The following KIRREL3 variants were observed in gnomAD, a reference collection of about 807,000 sequenced individuals.
KIRREL3 encodes kin of IRRE-like protein 3.
In KIRREL3, 36 loss-of-function variants were observed where a neutral mutation model predicts 89.7. The ratio of observed to expected loss-of-function variants is 0.40; its 90% CI spans 0.31 to 0.53. The LOEUF is 0.53. Ranked by LOEUF, KIRREL3 falls within the 20% of genes least tolerant of loss-of-function variation. The pLI, the probability that KIRREL3 is intolerant of heterozygous loss-of-function variation, is 0.49. For synonymous variants in KIRREL3, 445 were observed against 441.4 expected (o/e 1.01, Z -0.10); for missense variants, 864 against 1,056.6 (o/e 0.82, Z 2.53).
Position 126,747,617 on chromosome 11 carries a change from AG to A in KIRREL3, c.56-184706del, listed in dbSNP as rs1164173632. Among the ~76,000 whole-genome samples the A allele has an allele frequency of 6.6e-6, 1 of 152,168 alleles. No homozygotes were observed. The highest frequency in any genetic ancestry group is 2.4e-5 in the African/African-American group (1 of 41,442). ...CTGTATATCCCTCTTTCGTGGTATT[AG>A]GAACCTGGTATAACTGAGAGCGCAT... On this transcript the variant is annotated intron_variant, in intron 1 of 16. Coordinates refer to ENST00000525144, the MANE Select transcript of KIRREL3 (RefSeq NM_032531.4). This position sits in a 1 kb window ranked among gnomAD's most constrained non-coding sequence, Gnocchi z 4.7.
rs753819202 is a variant in KIRREL3 at position 126,977,629 on chromosome 11, C to A, written c.55+22826G>T. Among the ~76,000 whole-genome samples, 38 of 152,216 alleles carry A rather than the reference C, an allele frequency of 2.5e-4. No homozygotes were observed. The highest frequency in any genetic ancestry group is 5.0e-4 in the Non-Finnish European group (34 of 68,042). On this transcript the variant is annotated intron_variant, in intron 1 of 16. Transcript: ENST00000525144. This position sits in a 1 kb window ranked among gnomAD's most constrained non-coding sequence, Gnocchi z 4.7. ...AGGTTTATACCTTGTTGGCACAATG[C>A]CTGGCACATAGTGGGTGTTCGATAA... is the stretch of plus-strand genomic sequence containing the variant.
intron 1 of KIRREL3, among the ~76,000 whole-genome samples, chr11:126,596,157 CT>C (rs1480322200): frequency 1.3e-5 from 2 of 152,202 alleles, no homozygotes; most frequent in African/African-American, 2.4e-5. Context: ...GTTCACCAAT[CT>C]CGAGAGTCAC....
intron 1 of KIRREL3, among the ~76,000 whole-genome samples, chr11:126,826,637 G>T (rs1273507800): frequency 6.6e-6 from 1 of 152,198 alleles, no homozygotes; most frequent in Non-Finnish European, 1.5e-5. Flanking sequence ...CGTGTTGGAG[G>T]TGTTGGGAGG....
In KIRREL3 at chr11:126,555,236, T is replaced by G. The variant is rs1939613238; in HGVS notation, c.133+7599A>C. Among the ~76,000 whole-genome samples the G allele has an allele frequency of 6.6e-6, 1 of 152,092 alleles. No homozygotes were observed. The highest frequency in any genetic ancestry group is 2.4e-5 in the African/African-American group (1 of 41,408). Reference sequence around the variant, plus strand: ...CATTCCCTCTGGTTCCTGCACTTGCTTGCTCACACACTCCCTCTCTCAAGC... The same window carrying G: ...CATTCCCTCTGGTTCCTGCACTTGCGTGCTCACACACTCCCTCTCTCAAGC... On this transcript the variant is annotated intron_variant, in intron 2 of 16. Coordinates refer to ENST00000525144, the MANE Select transcript of KIRREL3 (RefSeq NM_032531.4). This position sits in a 1 kb window ranked among gnomAD's most constrained non-coding sequence, Gnocchi z 4.2.
At chr11:126,481,814 G>A (rs185593149) in intron 4 of KIRREL3, among the ~76,000 whole-genome samples, 154 of 152,282 alleles carry the variant, frequency 1.0e-3, no homozygotes, top group African/African-American at 3.5e-3. Flanking sequence ...CACCTATCCA[G>A]TCAACCAGTA....
chr11:126,988,261 A>G (rs964572682), intron 1 of KIRREL3, among the ~76,000 whole-genome samples: 4 of 152,198 alleles, frequency 2.6e-5, no homozygotes, highest in African/African-American at 7.2e-5. Flanking sequence ...ATGTTAAGCT[A>G]TACTGGAAGT....
chr11:126,962,027 C>T (rs1414516088), intron 1 of KIRREL3, among the ~76,000 whole-genome samples: 1 of 152,210 alleles, frequency 6.6e-6, no homozygotes, highest in East Asian at 1.9e-4. Flanking sequence ...CAAAATATTA[C>T]TGCTCATTGA....
In KIRREL3 at chr11:126,510,426, TTC is replaced by T. The variant is rs1565510992; in HGVS notation, c.433+10887_433+10888del. On this transcript the variant is annotated intron_variant, in intron 4 of 16. Coordinates refer to ENST00000525144, the MANE Select transcript of KIRREL3 (RefSeq NM_032531.4). Reference sequence around the variant, plus strand: ...AAATGTCCTCCCTGACGTTGTTTCCTTCCTTCCTTCCTTCCTTCCTTCCTTCC... The same window carrying T: ...AAATGTCCTCCCTGACGTTGTTTCCTCTTCCTTCCTTCCTTCCTTCCTTCC... 2.9e-4 allele frequency among the ~76,000 whole-genome samples: 14 copies of T among 48,824 alleles called. No homozygotes were observed. The East Asian group carries it at 0.021, about 72-fold the overall frequency. 32.0% of individuals were successfully genotyped at this position (48,824 alleles called of 152,430 possible).
rs955380832 is a variant in KIRREL3 at position 126,612,920 on chromosome 11, T to C, written c.56-50008A>G. 2.6e-5 allele frequency among the ~76,000 whole-genome samples: 4 copies of C among 152,232 alleles called. No individual in the cohort carries two copies. The highest frequency in any genetic ancestry group is 2.0e-4 in the Admixed American group (3 of 15,280). On this transcript the variant is annotated intron_variant, in intron 1 of 16. Coordinates refer to ENST00000525144, the MANE Select transcript of KIRREL3 (RefSeq NM_032531.4). This position sits in a 1 kb window ranked among gnomAD's most constrained non-coding sequence, Gnocchi z 4.5. ...TTGGGCTGTTTCCACTTTTCGGCTATTGTGAATACTGCTGCTATGAACATC... is the reference window on the plus strand; with the variant it reads ...TTGGGCTGTTTCCACTTTTCGGCTACTGTGAATACTGCTGCTATGAACATC...
At chr11:126,439,052 C>T (rs1955463737) in intron 11 of KIRREL3, among the ~76,000 whole-genome samples, 1 of 152,216 alleles carries the variant, frequency 6.6e-6, no homozygotes, top group South Asian at 2.1e-4. Flanking sequence ...TCTTTGTTTT[C>T]ATGCCTGAGA....
rs918078399 is a variant in KIRREL3 at position 126,606,799 on chromosome 11, C to A, written c.56-43887G>T. Among the ~76,000 whole-genome samples the A allele has an allele frequency of 6.6e-6, 1 of 152,112 alleles. No individual in the cohort carries two copies. The highest frequency in any genetic ancestry group is 1.5e-5 in the Non-Finnish European group (1 of 68,022). On this transcript the variant is annotated intron_variant, in intron 1 of 16. Coordinates refer to ENST00000525144, the MANE Select transcript of KIRREL3 (RefSeq NM_032531.4). This position sits in a 1 kb window ranked among gnomAD's most constrained non-coding sequence, Gnocchi z 4.6. ...TCCCTAAGTGCCATACCTCTACATG[C>A]TGGCCTTCTTCTGCACTCTTTTTTT...
rs765278722 is a variant in KIRREL3 at position 126,782,516 on chromosome 11, G to A, written c.55+217939C>T. ...CAGGGGTGCCACTAGCTGATTTAGC[G>A]ACTTTTGTATTAATTCAGAAAAGAA... On this transcript the variant is annotated intron_variant, in intron 1 of 16. Transcript: ENST00000525144. The surrounding 1 kb of genome is among the most constrained non-coding windows in gnomAD (Gnocchi z 4.1). Among the ~76,000 whole-genome samples, 4 of 152,184 alleles carry A rather than the reference G, an allele frequency of 2.6e-5. No homozygotes were observed. Among genetic ancestry groups the A allele is most frequent in the African/African-American group, 7.2e-5 (3 of 41,424 alleles).
intron 1 of KIRREL3, among the ~76,000 whole-genome samples, chr11:126,921,251 G>A (rs1048786926): frequency 2.6e-5 from 4 of 152,168 alleles, no homozygotes; most frequent in African/African-American, 9.7e-5. Context: ...GGCTTCCCTG[G>A]TTCTGATGAC....
chr11:126,836,099 T>A (rs1337984960), intron 1 of KIRREL3, among the ~76,000 whole-genome samples: 2 of 152,238 alleles, frequency 1.3e-5, no homozygotes, highest in Non-Finnish European at 2.9e-5. Context: ...CCTGTGTTCT[T>A]CTTCCTGTAG....
chr11:126,556,813 C>A (rs944536014), intron 2 of KIRREL3, among the ~76,000 whole-genome samples: 2 of 152,104 alleles, frequency 1.3e-5, no homozygotes, highest in African/African-American at 4.8e-5. Flanking sequence ...TTCCAAGACA[C>A]TGAGCGAAAT....
intron 2 of KIRREL3, among the ~76,000 whole-genome samples, chr11:126,552,920 C>G (rs35889454): frequency 0.13 from 19,904 of 151,966 alleles, 1,704 homozygotes; most frequent in Non-Finnish European, 0.19. Context: ...AGTCATTATA[C>G]CAGTGTACTC....
At position 126,424,797 on chromosome 11, in the gene KIRREL3, C is replaced by A; in HGVS notation, c.2120G>T (p.Cys707Phe). The change falls in exon 17 of 17, where the codon TGT becomes TTT. Residue 707 changes from cysteine (C) to phenylalanine (F), a missense_variant. Cys to Phe is a radical substitution (Grantham distance 205). Transcript: ENST00000525144. ...GGAGCCTCTCTGGAACTCCCGCTCA[C>A]AAAGCTCGATGGACGAGCTGCCCAT... ...LGMGSSSIELCEREFQRGSLS... is the reference protein window; with the variant it reads ...LGMGSSSIELFEREFQRGSLS... 1.2e-6 allele frequency: 2 copies of A among 1,614,078 alleles called. No individual in the cohort carries two copies. Among genetic ancestry groups the A allele is most frequent in the Non-Finnish European group, 1.7e-6 (2 of 1,179,908 alleles).
At chr11:126,435,334 C>T (rs752338125) in intron 12 of KIRREL3, 31 bp from the exon 13 acceptor site, 2 of 1,613,138 alleles carry the variant, frequency 1.2e-6, no homozygotes, top group Admixed American at 1.7e-5. Context: ...CGTCTACAGC[C>T]AGGGCCTGGC....
intron 1 of KIRREL3, among the ~76,000 whole-genome samples, chr11:126,821,707 A>C (rs569391138): frequency 2.6e-5 from 4 of 152,164 alleles, no homozygotes; most frequent in African/African-American, 9.6e-5. Flanking sequence ...ATCCTGGGCC[A>C]TCTCGGTGGC....
Sources: allele counts gnomAD v4.1 joint callset (sites outside exome capture counted in the v4.1 genomes callset), GRCh38; gene constraint gnomAD v4.1.1; non-coding constraint Gnocchi (gnomAD v3.1); transcripts MANE v1.5; gene names NCBI Gene and HGNC (gene_info 2026-07-23, HGNC 2026-07-21).